PHEX: variants seen among roughly 807,000 people sequenced by gnomAD.
PHEX encodes the protein phosphate regulating endopeptidase X-linked, also known as phosphate-regulating neutral endopeptidase PHEX.
PHEX carries 16 observed loss-of-function variants against 68.0 expected under a neutral mutation model. The ratio of observed to expected loss-of-function variants is 0.24; its 90% CI spans 0.16 to 0.36. PHEX has a LOEUF of 0.36. Among genes scored for constraint, PHEX ranks in the 10% least tolerant of loss-of-function variants. PHEX has a pLI of 1.00. For synonymous variants in PHEX, 208 were observed against 205.1 expected, an observed-to-expected ratio of 1.01 and a Z score of -0.12; for missense variants, 480 against 575.5, an observed-to-expected ratio of 0.83 and a Z score of 1.70.
At chrX:22,164,643 GTTCTTTTCTTTTC>G (rs1556048841) in intron 12 of PHEX, among the ~76,000 whole-genome samples, 1 of 111,963 alleles carries the variant, frequency 8.9e-6, no homozygotes, top group Non-Finnish European at 1.9e-5. Context: ...CCGTTCGTTC[GTTCTTTTCTTTTC>G]TTCTTTTCTT....
chrX:22,248,176 A>T lies in PHEX; in HGVS notation c.*223A>T. 2.4e-6 allele frequency: 1 copy of T among 412,140 alleles called. No homozygotes were observed. The allele number at this position is 412,140 out of a possible 1,213,427, so 34.0% of individuals were successfully genotyped here. On this transcript the variant is annotated 3_prime_UTR_variant, in exon 22 of 22. Coordinates refer to ENST00000379374, the MANE Select transcript of PHEX (RefSeq NM_000444.6). ...ACTAAGTATGTTTCTTTAGAAAATCAAACCAACAAAAATAAATCCCTAGGC... is the reference window on the plus strand; with the variant it reads ...ACTAAGTATGTTTCTTTAGAAAATCTAACCAACAAAAATAAATCCCTAGGC...
chrX:22,216,488 TATGC>T (rs1935091017), intron 16 of PHEX, among the ~76,000 whole-genome samples: 1 of 79,550 alleles, frequency 1.3e-5, no homozygotes, highest in African/African-American at 5.7e-5. Flanking sequence ...TTTATTTTTT[TATGC>T]TTATTTATTT....
chrX:22,233,940 C>T (rs755688514), intron 20 of PHEX, among the ~76,000 whole-genome samples: 68 of 112,276 alleles, frequency 6.1e-4, no homozygotes, highest in Non-Finnish European at 1.3e-4. Flanking sequence ...TTCTCCCCAT[C>T]TTTGTGGATT....
Position 22,142,079 on chromosome X carries a change from T to C in PHEX, c.1404+8455T>C, listed in dbSNP as rs753765620. Among the ~76,000 whole-genome samples, 323 of 111,499 alleles carry C rather than the reference T, an allele frequency of 2.9e-3. 2 individuals carry two copies. The highest frequency in any genetic ancestry group is 0.01 in the African/African-American group (310 of 30,715). On this transcript the variant is annotated intron_variant, in intron 12 of 21. Transcript: ENST00000379374. ...CAGCCTGGCCAACATGGTGAAACCC[T>C]GTCTCTACTAAAAATACAAAAAATT...
intron 15 of PHEX, among the ~76,000 whole-genome samples, chrX:22,198,143 TTATA>T (rs1396883226): frequency 9.6e-6 from 1 of 104,632 alleles, no homozygotes; most frequent in Non-Finnish European, 1.9e-5. Flanking sequence ...TATATAATAT[TTATA>T]TAATATATAT....
chrX:22,204,865 G>A (rs1934661760), intron 15 of PHEX, among the ~76,000 whole-genome samples: 1 of 111,267 alleles, frequency 9.0e-6, no homozygotes, highest in Non-Finnish European at 1.9e-5. Flanking sequence ...GCCCTGAAAT[G>A]TGGACTGATA....
At chrX:22,095,834 C>A (rs768390512) in intron 7 of PHEX, among the ~76,000 whole-genome samples, 39 of 112,383 alleles carry the variant, frequency 3.5e-4, no homozygotes, top group Middle Eastern at 4.6e-3. Flanking sequence ...ATACATAGTC[C>A]TATGGAAACT....
intron 20 of PHEX, among the ~76,000 whole-genome samples, chrX:22,234,203 C>G (rs1011721196): frequency 7.1e-5 from 8 of 112,786 alleles, no homozygotes; most frequent in African/African-American, 2.6e-4. Flanking sequence ...CCAGCCAGAG[C>G]TCTCCTGTAT....
At chrX:22,230,466 G>GTAGT (rs199784980) in intron 20 of PHEX, among the ~76,000 whole-genome samples, 39,152 of 106,411 alleles carry the variant, frequency 0.37, 5,984 homozygotes, top group African/African-American at 0.47. Flanking sequence ...GCAGTGGTTT[G>GTAGT]TAGTTATCCT....
intron 12 of PHEX, among the ~76,000 whole-genome samples, chrX:22,158,514 A>T (rs1321438728): frequency 8.9e-6 from 1 of 112,536 alleles, no homozygotes; most frequent in Non-Finnish European, 1.9e-5. Flanking sequence ...AAGTGATTAA[A>T]GTGGTCTCTT....
chrX:22,224,431 G>C (rs1017341795), intron 18 of PHEX, among the ~76,000 whole-genome samples: 3 of 112,154 alleles, frequency 2.7e-5, no homozygotes, highest in African/African-American at 9.8e-5. Context: ...GTTCAGCCCA[G>C]GTACTGGGTT....
At chrX:22,157,235 CCATCCCAG>C (rs1932977425) in intron 12 of PHEX, among the ~76,000 whole-genome samples, 1 of 112,043 alleles carries the variant, frequency 8.9e-6, no homozygotes, top group South Asian at 3.7e-4. Flanking sequence ...CTCACACCTG[CCATCCCAG>C]CACTTTGAGA....
At position 22,105,312 on chromosome X, in the gene PHEX, C is replaced by T. The variant is rs747082666; in HGVS notation, c.1080-6155C>T. On this transcript the variant is annotated intron_variant, in intron 9 of 21. Coordinates refer to ENST00000379374, the MANE Select transcript of PHEX (RefSeq NM_000444.6). ...GTTGAGCTGTGTGTGCAGAACGATGCGGAGATGGAGTTTTCCTAGACCAGC... is the reference window on the plus strand; with the variant it reads ...GTTGAGCTGTGTGTGCAGAACGATGTGGAGATGGAGTTTTCCTAGACCAGC... 2.7e-5 allele frequency among the ~76,000 whole-genome samples: 3 copies of T among 112,439 alleles called. No individual in the cohort carries two copies. In the South Asian group the frequency reaches 1.1e-3, roughly 41 times the overall value.
chrX:22,235,077 T>C (rs775012181), intron 20 of PHEX, among the ~76,000 whole-genome samples: 7 of 110,905 alleles, frequency 6.3e-5, no homozygotes, highest in Admixed American at 9.6e-5. Context: ...TTCCCTTGGG[T>C]AGGGGAGAAA....
intron 14 of PHEX, among the ~76,000 whole-genome samples, chrX:22,186,347 C>T (rs1166563364): frequency 1.8e-5 from 2 of 111,990 alleles, no homozygotes; most frequent in Non-Finnish European, 3.8e-5. Flanking sequence ...ATTTCTGCTG[C>T]GTATTATTCT....
At chrX:22,207,589 G>GA (rs754857109) in intron 15 of PHEX, among the ~76,000 whole-genome samples, 8 of 110,327 alleles carry the variant, frequency 7.3e-5, no homozygotes, top group African/African-American at 9.8e-5. Flanking sequence ...CAATTTCCAT[G>GA]AAAAAAATAA....
At chrX:22,232,220 G>A (rs924874739) in intron 20 of PHEX, among the ~76,000 whole-genome samples, 14 of 111,607 alleles carry the variant, frequency 1.3e-4, no homozygotes, top group African/African-American at 4.2e-4. Context: ...CAATAAGAGC[G>A]ATGAGGTGCT....
At chrX:22,043,374 G>T (rs1927372093) in intron 2 of PHEX, among the ~76,000 whole-genome samples, 1 of 112,282 alleles carries the variant, frequency 8.9e-6, no homozygotes, top group African/African-American at 3.2e-5. Context: ...TGGGCATCAT[G>T]CATTTATATG....
chrX:22,234,303 G>A (rs1935882344), intron 20 of PHEX, among the ~76,000 whole-genome samples: 1 of 112,744 alleles, frequency 8.9e-6, no homozygotes, highest in Admixed American at 9.3e-5. Context: ...CTGACCCTTA[G>A]CAGAGCTCGA....
Sources: allele counts gnomAD v4.1 joint callset (sites outside exome capture counted in the v4.1 genomes callset), GRCh38; gene constraint gnomAD v4.1.1; transcripts MANE v1.5; gene names NCBI Gene and HGNC (gene_info 2026-07-23, HGNC 2026-07-21).